Variants in MERTK observed in about 807,000 individuals in gnomAD.
MERTK encodes tyrosine-protein kinase Mer.
In MERTK, 69 loss-of-function variants were observed where a neutral mutation model predicts 99.3. That is an observed-to-expected ratio of 0.70 (90% confidence interval 0.57 to 0.85). The LOEUF (loss-of-function observed/expected upper bound fraction) is 0.85, where lower values mean the gene tolerates loss of function less well. Among genes scored for constraint, MERTK ranks in the 40% least tolerant of loss-of-function variants. The pLI, the probability that MERTK is intolerant of heterozygous loss-of-function variation, is 0.00. For missense variants in MERTK, 1,125 were observed against 1,249.4 expected, an observed-to-expected ratio of 0.90 and a Z score of 1.50; for synonymous variants, 426 against 467.6, an observed-to-expected ratio of 0.91 and a Z score of 1.15.
At chr2:112,017,020 G>A (rs1288972715) in intron 15 of MERTK, among the ~76,000 whole-genome samples, 1 of 152,188 alleles carries the variant, frequency 6.6e-6, no homozygotes, top group Non-Finnish European at 1.5e-5. Context: ...AAGATTTATT[G>A]TGAAGAGTGA....
At chr2:111,925,292 ATTTTTTTTTTTT>A (rs11433691) in intron 1 of MERTK, among the ~76,000 whole-genome samples, 1 of 24,488 alleles carries the variant, frequency 4.1e-5, no homozygotes, top group Non-Finnish European at 7.3e-5. Context: ...ATATATATAT[ATTTTTTTTTTTT>A]TTTTTTTTTT....
intron 11 of MERTK, among the ~76,000 whole-genome samples, chr2:112,002,027 A>G (rs994194814): frequency 6.6e-5 from 10 of 151,940 alleles, no homozygotes; most frequent in African/African-American, 2.4e-4. Context: ...TTGGAGAACC[A>G]CTGGATAAAG....
intron 4 of MERTK, among the ~76,000 whole-genome samples, chr2:111,957,668 C>A (rs1350634897): frequency 6.6e-6 from 1 of 151,968 alleles, no homozygotes; most frequent in Non-Finnish European, 1.5e-5. Flanking sequence ...TGGATATATC[C>A]CAAGTTTCTG....
Position 111,968,183 on chromosome 2 carries a change from A to G in MERTK, c.891A>G (p.Ala297=). 6.2e-7 allele frequency: 1 copy of G among 1,614,062 alleles called. No homozygotes were observed. Among genetic ancestry groups the G allele is most frequent in the Non-Finnish European group, 8.5e-7 (1 of 1,180,006 alleles). Residue 297 remains alanine, a synonymous_variant, in exon 6 of 19, where the codon GCA becomes GCG. Transcript: ENST00000295408. ...AAGTCAGCATCCGTAACAGCACTGC[A>G]CACAGCATTCTGATCTCCTGGGTTC... is the stretch of plus-strand genomic sequence containing the variant. ...PTEVSIRNST[A]HSILISWVPG... is the part of the protein sequence containing the mutation.
intron 5 of MERTK, among the ~76,000 whole-genome samples, chr2:111,965,806 G>C (rs1219937088): frequency 6.6e-6 from 1 of 152,082 alleles, no homozygotes. Context: ...TCACTCTTTG[G>C]AGCCCAATGC....
At chr2:111,923,286 C>T (rs1684499289) in intron 1 of MERTK, among the ~76,000 whole-genome samples, 1 of 152,158 alleles carries the variant, frequency 6.6e-6, no homozygotes, top group African/African-American at 2.4e-5. Context: ...TAATCAGGTC[C>T]CTTGGGCCTG....
intron 18 of MERTK, among the ~76,000 whole-genome samples, chr2:112,023,402 A>C (rs900176210): frequency 1.3e-5 from 2 of 152,138 alleles, no homozygotes; most frequent in African/African-American, 4.8e-5. Flanking sequence ...CGGCAGAGTA[A>C]AACTCCATCT....
chr2:111,925,861 C>G (rs1573575190), intron 1 of MERTK, among the ~76,000 whole-genome samples: 1 of 149,762 alleles, frequency 6.7e-6, no homozygotes, highest in East Asian at 2.0e-4. Flanking sequence ...GAGACAGAGT[C>G]TCGCTCTGTC....
At chr2:111,899,774 C>T (rs1305658634) in intron 1 of MERTK, among the ~76,000 whole-genome samples, 2 of 152,074 alleles carry the variant, frequency 1.3e-5, no homozygotes, top group Non-Finnish European at 2.9e-5. Flanking sequence ...CCTTGGCCTC[C>T]CAAAGTTCTG....
chr2:111,947,713 G>T, intron 4 of MERTK, 146 bp downstream of exon 4: 1 of 944,680 alleles, frequency 1.1e-6, no homozygotes, highest in Non-Finnish European at 1.6e-6. Context: ...CCAGGTAGAC[G>T]GGAAGGCAGG....
chr2:111,982,626 C>T (rs1293593440), intron 7 of MERTK, among the ~76,000 whole-genome samples: 1 of 152,166 alleles, frequency 6.6e-6, no homozygotes, highest in Non-Finnish European at 1.5e-5. Context: ...AAATGAATTT[C>T]TAGGCTTCAG....
intron 4 of MERTK, among the ~76,000 whole-genome samples, chr2:111,964,043 C>CTTTTTTTTTTTTTTTTTTTTT (rs56693776): frequency 2.6e-4 from 27 of 103,862 alleles, no homozygotes; most frequent in Admixed American, 3.3e-4. Context: ...AATTTTCTTT[C>CTTTTTTTTTTTTTTTTTTTTT]TTTTTTTTTT....
intron 6 of MERTK, among the ~76,000 whole-genome samples, chr2:111,974,264 G>C (rs1014529945): frequency 8.0e-5 from 12 of 149,532 alleles, no homozygotes; most frequent in Admixed American, 7.3e-4. Context: ...TTAGCCAGGC[G>C]TGGTGGCAGG....
intron 4 of MERTK, among the ~76,000 whole-genome samples, chr2:111,959,896 CTT>C (rs1200260963): frequency 7.9e-5 from 12 of 152,164 alleles, no homozygotes; most frequent in African/African-American, 2.9e-4. Context: ...AAACTGAAAA[CTT>C]TTAAAACACA....
At position 111,985,358 on chromosome 2, in the gene MERTK, A is replaced by T. The variant is rs569224710; in HGVS notation, c.1296+2365A>T. Among the ~76,000 whole-genome samples, 7 of 152,148 alleles carry T rather than the reference A, an allele frequency of 4.6e-5. No individual in the cohort carries two copies. The East Asian group carries it at 1.2e-3, about 25-fold the overall frequency. On this transcript the variant is annotated intron_variant, in intron 8 of 18. Coordinates refer to ENST00000295408, the MANE Select transcript of MERTK (RefSeq NM_006343.3). ...CCCTTCCCACCTGGGAAAGGAAGAG[A>T]GTGGGGTATTGCTGCCTCCTTTTGT...
intron 18 of MERTK, 69 bp from the exon 19 acceptor site, chr2:112,028,279 AAAC>A (rs1325204276): frequency 6.7e-7 from 1 of 1,490,666 alleles, no homozygotes; most frequent in Non-Finnish European, 9.3e-7. Flanking sequence ...GATTCTGTAA[AAAC>A]AAAGGCATGG....
chr2:111,916,430 T>C (rs1684351067), intron 1 of MERTK, among the ~76,000 whole-genome samples: 1 of 152,234 alleles, frequency 6.6e-6, no homozygotes, highest in African/African-American at 2.4e-5. Flanking sequence ...AATTGAATTC[T>C]ATTGTTTTGT....
intron 13 of MERTK, among the ~76,000 whole-genome samples, chr2:112,007,209 C>T (rs750792848): frequency 4.6e-5 from 7 of 152,266 alleles, no homozygotes; most frequent in Non-Finnish European, 1.0e-4. Flanking sequence ...GGCTGGAGTG[C>T]GGTAGCACGA....
intron 1 of MERTK, chr2:111,912,970 A>G (rs751243949): frequency 2.2e-6 from 2 of 929,782 alleles, no homozygotes; most frequent in African/African-American, 1.8e-5. Context: ...CAGGATCCTC[A>G]TCTATGAACT....
Sources: allele counts gnomAD v4.1 joint callset (sites outside exome capture counted in the v4.1 genomes callset), GRCh38; gene constraint gnomAD v4.1.1; transcripts MANE v1.5; gene names NCBI Gene and HGNC (gene_info 2026-07-23, HGNC 2026-07-21).